The following ATP2B2 variants were observed in gnomAD, a reference collection of about 807,000 sequenced individuals.
ATP2B2 encodes ATPase plasma membrane Ca2+ transporting 2, also known as plasma membrane calcium-transporting ATPase 2.
ATP2B2 carries 15 observed loss-of-function variants against 120.0 expected under a neutral mutation model. That is an observed-to-expected ratio of 0.12 (90% CI 0.08 to 0.19). The LOEUF is 0.19. Among genes scored for constraint, ATP2B2 ranks in the 10% least tolerant of loss-of-function variants. The probability of loss-of-function intolerance (pLI) is 1.00; values close to 1 mark genes in which losing one functional copy is unlikely to be tolerated. For missense variants in ATP2B2, 1,045 were observed against 1,719.8 expected, an observed-to-expected ratio of 0.61 and a Z score of 6.94; for synonymous variants, 694 against 700.3, an observed-to-expected ratio of 0.99 and a Z score of 0.14.
intron 2 of ATP2B2, among the ~76,000 whole-genome samples, chr3:10,442,360 T>A (rs945478281): frequency 1.3e-5 from 2 of 152,214 alleles, no homozygotes; most frequent in Non-Finnish European, 2.9e-5. Flanking sequence ...AGCCCTTCAG[T>A]CAGCTGCCGG....
intron 1 of ATP2B2, among the ~76,000 whole-genome samples, chr3:10,470,472 T>A (rs1489632861): frequency 6.6e-6 from 1 of 152,096 alleles, no homozygotes; most frequent in Non-Finnish European, 1.5e-5. Flanking sequence ...ATGAGTTAAG[T>A]ACAGGACTGA....
chr3:10,479,133 C>T (rs998655128), intron 1 of ATP2B2, among the ~76,000 whole-genome samples: 1 of 152,110 alleles, frequency 6.6e-6, no homozygotes, highest in African/African-American at 2.4e-5. Flanking sequence ...TTCTTTATAT[C>T]AGTGTGGAAA....
At chr3:10,392,401 C>G (rs900905009) in intron 5 of ATP2B2, among the ~76,000 whole-genome samples, 2 of 152,224 alleles carry the variant, frequency 1.3e-5, no homozygotes, top group Non-Finnish European at 2.9e-5. Context: ...GGGGAAGACT[C>G]CAAAGGACTG....
chr3:10,701,166 T>C (rs1376968161), intron 1 of ATP2B2, among the ~76,000 whole-genome samples: 4 of 151,890 alleles, frequency 2.6e-5, no homozygotes, highest in Admixed American at 1.3e-4. Flanking sequence ...GCTGAGAGAG[T>C]AGAACTTTCC....
intron 2 of ATP2B2, among the ~76,000 whole-genome samples, chr3:10,416,140 A>G (rs1575164254): frequency 6.6e-6 from 1 of 152,238 alleles, no homozygotes; most frequent in African/African-American, 2.4e-5. Context: ...AGATTTTTCA[A>G]CTGTGGGCAG....
intron 2 of ATP2B2, among the ~76,000 whole-genome samples, chr3:10,412,823 A>G (rs531127755): frequency 3.9e-5 from 6 of 152,090 alleles, no homozygotes; most frequent in Non-Finnish European, 7.4e-5. Context: ...TGGCCCAAAC[A>G]GTACAGCAAA....
At position 10,386,578 on chromosome 3, in the gene ATP2B2, C is replaced by G. The variant is rs111409572; in HGVS notation, c.908-66G>C. 2,760 of 1,542,394 alleles carry G rather than the reference C, an allele frequency of 1.8e-3. 58 individuals are homozygous for G. The South Asian group carries it at 0.026, about 14-fold the overall frequency. On this transcript the variant is annotated intron_variant, in intron 6 of 22. Transcript: ENST00000360273. ...ACACAGCCTCATCTGCCCATGCGCA[C>G]GCGCACACACACAAACACACATGTG...
At position 10,690,471 on chromosome 3, in the gene ATP2B2, T is replaced by C. The variant is rs568172862; in HGVS notation, c.-460+17444A>G. 2.6e-5 allele frequency among the ~76,000 whole-genome samples: 4 copies of C among 152,206 alleles called. No individual in the cohort carries two copies. In the East Asian group the frequency reaches 5.8e-4, roughly 22 times the overall value. Reference sequence around the variant, plus strand: ...ATCTATCTATCTATCTATCTATCTATCTATCTATATATCTCCTTCACCCCT... The same window carrying C: ...ATCTATCTATCTATCTATCTATCTACCTATCTATATATCTCCTTCACCCCT... On this transcript the variant is annotated intron_variant, in intron 1 of 21. Coordinates refer to the ATP2B2 transcript ENST00000646379.
At chr3:10,452,903 T>G (rs1443185671) in intron 1 of ATP2B2, among the ~76,000 whole-genome samples, 1 of 152,210 alleles carries the variant, frequency 6.6e-6, no homozygotes, top group South Asian at 2.1e-4. Flanking sequence ...GCAAAGCTGG[T>G]GAACATTTAC....
intron 14 of ATP2B2, 91 bp downstream of exon 14, chr3:10,358,600 A>G: frequency 8.1e-7 from 1 of 1,236,524 alleles, no homozygotes. Context: ...ACTGAGACTC[A>G]AAGAGGTGAA....
intron 1 of ATP2B2, among the ~76,000 whole-genome samples, chr3:10,471,147 C>T (rs2064974034): frequency 6.6e-6 from 1 of 152,230 alleles, no homozygotes. Flanking sequence ...CAGCCACACG[C>T]AGCAGGGAAC....
chr3:10,358,982 T>G, intron 13 of ATP2B2, 57 bp from the exon 14 acceptor site: 5 of 1,543,912 alleles, frequency 3.2e-6, no homozygotes, highest in Non-Finnish European at 4.4e-6. Flanking sequence ...CTGAAAGGCT[T>G]AGAGACCACC....
At chr3:10,636,439 G>A (rs955981823) in intron 1 of ATP2B2, among the ~76,000 whole-genome samples, 2 of 152,192 alleles carry the variant, frequency 1.3e-5, no homozygotes, top group African/African-American at 2.4e-5. Flanking sequence ...AGACCCCAGG[G>A]AGATTAGGAA....
intron 1 of ATP2B2, among the ~76,000 whole-genome samples, chr3:10,631,416 C>T (rs545663823): frequency 3.3e-5 from 5 of 152,292 alleles, no homozygotes; most frequent in Admixed American, 3.3e-4. Context: ...GATGAGGAAT[C>T]CTGAGGCTCA....
intron 3 of ATP2B2, among the ~76,000 whole-genome samples, chr3:10,406,742 T>C (rs4684689): frequency 0.65 from 98,546 of 152,196 alleles, 33,312 homozygotes; most frequent in African/African-American, 0.83. Flanking sequence ...CCAGGCACAG[T>C]GAGAAACTCA....
At chr3:10,499,075 C>A (rs1181742475) in intron 1 of ATP2B2, among the ~76,000 whole-genome samples, 1 of 152,220 alleles carries the variant, frequency 6.6e-6, no homozygotes, top group Admixed American at 6.5e-5. Context: ...CAAGGTCACA[C>A]AGTAGTAAAC....
At chr3:10,484,140 C>T (rs1225548671) in intron 1 of ATP2B2, among the ~76,000 whole-genome samples, 1 of 152,164 alleles carries the variant, frequency 6.6e-6, no homozygotes, top group African/African-American at 2.4e-5. Flanking sequence ...TGGTGCTGGC[C>T]CTGGCTTTGG....
chr3:10,531,486 T>C (rs553237196), intron 3 of ATP2B2, among the ~76,000 whole-genome samples: 14 of 152,242 alleles, frequency 9.2e-5, no homozygotes, highest in Non-Finnish European at 1.8e-4. Flanking sequence ...AGAATGGTCA[T>C]GCCTGTCTTA....
chr3:10,532,742 G>A (rs1024512879), intron 3 of ATP2B2, among the ~76,000 whole-genome samples: 7 of 152,228 alleles, frequency 4.6e-5, no homozygotes, highest in African/African-American at 1.4e-4. Context: ...AAGAGGTCTG[G>A]GTGGTGTCTG....
Sources: gnomAD v4.1 joint callset for allele counts (sites outside exome capture counted in the v4.1 genomes callset) on GRCh38, gnomAD v4.1.1 for gene constraint, MANE v1.5 for transcripts, NCBI Gene and HGNC (gene_info 2026-07-23, HGNC 2026-07-21) for gene names.